The following MAD1L1 variants were observed in gnomAD, a reference collection of about 807,000 sequenced individuals.
MAD1L1 encodes mitotic spindle assembly checkpoint protein MAD1.
In MAD1L1, 95 loss-of-function variants were observed where a neutral mutation model predicts 96.9. The observed-to-expected ratio is 0.98, with a 90% CI of 0.83 to 1.16. The LOEUF is 1.16. Among genes scored for constraint, MAD1L1 ranks in the 50% most tolerant of loss-of-function variants. MAD1L1 has a pLI of 0.00. For missense variants in MAD1L1, 1,007 were observed against 954.4 expected, an observed-to-expected ratio of 1.06 and a Z score of -0.73; for synonymous variants, 473 against 396.6, an observed-to-expected ratio of 1.19 and a Z score of -2.29.
intron 10 of MAD1L1, among the ~76,000 whole-genome samples, chr7:2,184,354 G>A (rs991373826): frequency 6.6e-6 from 1 of 152,000 alleles, no homozygotes; most frequent in African/African-American, 2.4e-5. Context: ...AGTCGGTAAC[G>A]CCACACAACC....
chr7:1,867,014 G>C lies in MAD1L1; in HGVS notation c.1998+31186C>G, dbSNP rs561460039. Among the ~76,000 whole-genome samples, 12 of 152,312 alleles carry C rather than the reference G, an allele frequency of 7.9e-5. No homozygotes were observed. The South Asian group carries it at 2.5e-3, about 32-fold the overall frequency. Reference sequence around the variant, plus strand: ...GCAGCACTCACTACAGGGCCCGCTGGGCTCCTGACCGCAGAGTGGGTCACC... The same window carrying C: ...GCAGCACTCACTACAGGGCCCGCTGCGCTCCTGACCGCAGAGTGGGTCACC... On this transcript the variant is annotated intron_variant, in intron 18 of 18. Coordinates refer to ENST00000265854, the MANE Select transcript of MAD1L1 (RefSeq NM_001013836.2).
chr7:1,888,592 G>A (rs142881693), intron 18 of MAD1L1, among the ~76,000 whole-genome samples: 1 of 152,168 alleles, frequency 6.6e-6, no homozygotes, highest in Non-Finnish European at 1.5e-5. Context: ...ATGCATGCGT[G>A]CATGTGGCTG....
intron 11 of MAD1L1, among the ~76,000 whole-genome samples, chr7:2,098,966 T>C (rs757090591): frequency 2.6e-5 from 4 of 152,106 alleles, no homozygotes; most frequent in African/African-American, 7.2e-5. Flanking sequence ...GGAATTCTTA[T>C]AGAGGAAACA....
At chr7:1,975,193 G>A (rs1780579089) in intron 15 of MAD1L1, among the ~76,000 whole-genome samples, 2 of 152,228 alleles carry the variant, frequency 1.3e-5, no homozygotes, top group Admixed American at 1.3e-4. Flanking sequence ...GGAGAATGAG[G>A]CCACAAAGGC....
chr7:2,167,306 G>A (rs1584470383), intron 10 of MAD1L1, among the ~76,000 whole-genome samples: 1 of 152,206 alleles, frequency 6.6e-6, no homozygotes, highest in African/African-American at 2.4e-5. Context: ...CCAGCACTTT[G>A]GGAGGCTGAG....
At chr7:2,202,694 C>T (rs1313324504) in intron 10 of MAD1L1, among the ~76,000 whole-genome samples, 1 of 152,200 alleles carries the variant, frequency 6.6e-6, no homozygotes, top group Non-Finnish European at 1.5e-5. Context: ...GACAGTCGCC[C>T]ACCTTCCCAA....
chr7:2,071,871 G>A (rs920244710), intron 11 of MAD1L1, among the ~76,000 whole-genome samples: 4 of 152,078 alleles, frequency 2.6e-5, no homozygotes, highest in Admixed American at 6.5e-5. Context: ...GGCTTCTCAC[G>A]GGAACTGGGA....
intron 12 of MAD1L1, among the ~76,000 whole-genome samples, chr7:2,057,755 C>A (rs1242579701): frequency 6.6e-6 from 1 of 152,170 alleles, no homozygotes; most frequent in African/African-American, 2.4e-5. Context: ...ATGGGGTAGG[C>A]CTTCGTGACA....
chr7:2,026,797 A>G (rs1783014689), intron 12 of MAD1L1, among the ~76,000 whole-genome samples: 3 of 152,240 alleles, frequency 2.0e-5, no homozygotes, highest in Admixed American at 2.0e-4. Flanking sequence ...TAAATTGACA[A>G]CCTTAAATGC....
intron 10 of MAD1L1, among the ~76,000 whole-genome samples, chr7:2,197,091 T>C (rs1792029266): frequency 6.6e-6 from 1 of 152,172 alleles, no homozygotes; most frequent in Non-Finnish European, 1.5e-5. Flanking sequence ...CAAACCACCC[T>C]CAGGACAGGA....
At chr7:1,956,453 T>C (rs948551951) in intron 16 of MAD1L1, among the ~76,000 whole-genome samples, 31 of 152,098 alleles carry the variant, frequency 2.0e-4, no homozygotes, top group African/African-American at 7.2e-4. Context: ...GAGGTCACCA[T>C]ATCACGGCAT....
At chr7:1,939,123 C>T (rs1464296962) in intron 16 of MAD1L1, among the ~76,000 whole-genome samples, 2 of 147,094 alleles carry the variant, frequency 1.4e-5, no homozygotes, top group Non-Finnish European at 3.0e-5. Flanking sequence ...GAGGCGCGCA[C>T]ACACACACGG....
At chr7:2,167,084 T>C (rs891642221) in intron 10 of MAD1L1, among the ~76,000 whole-genome samples, 1 of 152,116 alleles carries the variant, frequency 6.6e-6, no homozygotes, top group African/African-American at 2.4e-5. Flanking sequence ...CTGTGGACAG[T>C]GGCATCGCAG....
intron 17 of MAD1L1, among the ~76,000 whole-genome samples, chr7:1,911,156 A>G (rs1157642822): frequency 6.6e-6 from 1 of 152,136 alleles, no homozygotes. Context: ...CTTGAGCCAG[A>G]CAACTTGAGT....
intron 11 of MAD1L1, chr7:2,109,499 G>C (rs1787269849): frequency 6.6e-6 from 1 of 152,164 alleles, no homozygotes; most frequent in South Asian, 2.1e-4. Context: ...ACTCATAGCA[G>C]GGAGGTGTGC....
At chr7:2,126,812 C>T (rs1788255614) in intron 11 of MAD1L1, among the ~76,000 whole-genome samples, 1 of 152,220 alleles carries the variant, frequency 6.6e-6, no homozygotes, top group Admixed American at 6.5e-5. Context: ...GGCAGGTGCT[C>T]ACTGACACTG....
chr7:1,821,446 G>A (rs1184291686), intron 18 of MAD1L1, among the ~76,000 whole-genome samples: 1 of 152,074 alleles, frequency 6.6e-6, no homozygotes, highest in African/African-American at 2.4e-5. Context: ...TTTCCACTAT[G>A]AACCCTGTAC....
rs117826312 is a variant in MAD1L1 at position 1,866,311 on chromosome 7, G to A, written c.1998+31889C>T. On this transcript the variant is annotated intron_variant, in intron 18 of 18. Coordinates refer to ENST00000265854, the MANE Select transcript of MAD1L1 (RefSeq NM_001013836.2). ...AGGAGATAGACGCCTAGGCCCTTGC[G>A]CTGTGGGTCCCGACAGCCTCTGCCC... is the stretch of plus-strand genomic sequence containing the variant. Among the ~76,000 whole-genome samples the A allele has an allele frequency of 3.8e-3, 581 of 152,296 alleles. 3 individuals are homozygous for A. Among genetic ancestry groups the A allele is most frequent in the South Asian group, 0.017 (83 of 4,824 alleles).
chr7:1,883,381 G>C (rs560249050), intron 18 of MAD1L1, among the ~76,000 whole-genome samples: 2 of 152,294 alleles, frequency 1.3e-5, no homozygotes, highest in East Asian at 3.9e-4. Flanking sequence ...AAACGGCCCC[G>C]GGGATGAGCT....
Sources: allele counts gnomAD v4.1 joint callset (sites outside exome capture counted in the v4.1 genomes callset), GRCh38; gene constraint gnomAD v4.1.1; transcripts MANE v1.5; gene names NCBI Gene and HGNC (gene_info 2026-07-23, HGNC 2026-07-21).